Variants in PPP2R2B observed in about 807,000 individuals in gnomAD.
PPP2R2B encodes protein phosphatase 2 regulatory subunit Bbeta.
In PPP2R2B, 5 loss-of-function variants were observed where a neutral mutation model predicts 46.0. The observed-to-expected ratio is 0.11, with a 90% confidence interval of 0.06 to 0.23. PPP2R2B has a LOEUF of 0.23. PPP2R2B is among the 10% of genes least tolerant of loss of function. PPP2R2B has a pLI of 1.00. For missense variants in PPP2R2B, 367 were observed against 575.0 expected, an observed-to-expected ratio of 0.64 and a Z score of 3.70; for synonymous variants, 215 against 206.7, an observed-to-expected ratio of 1.04 and a Z score of -0.34.
At chr5:146,691,308 G>A (rs982584289) in intron 4 of PPP2R2B, 68 bp from the exon 5 acceptor site, 44 of 1,296,500 alleles carry the variant, frequency 3.4e-5, no homozygotes, top group Admixed American at 2.1e-4. Context: ...GTTTTCCTGG[G>A]GGCAATGGGG....
chr5:146,737,956 C>CA (rs35357763), intron 2 of PPP2R2B, among the ~76,000 whole-genome samples: 21 of 149,184 alleles, frequency 1.4e-4, no homozygotes, highest in Admixed American at 3.3e-4. Context: ...CAAAACAAAA[C>CA]AAAAAAAACG....
chr5:147,058,655 C>T (rs991704805), upstream of PPP2R2B, among the ~76,000 whole-genome samples: 1 of 152,098 alleles, frequency 6.6e-6, no homozygotes, highest in African/African-American at 2.4e-5. Flanking sequence ...TAGTGTAAGG[C>T]CTAGGCACCT....
At chr5:147,024,701 G>C (rs946982720) in intron 1 of PPP2R2B, among the ~76,000 whole-genome samples, 1 of 151,918 alleles carries the variant, frequency 6.6e-6, no homozygotes, top group Non-Finnish European at 1.5e-5. Context: ...AAATTAAACA[G>C]CACATTTCTA....
intron 5 of PPP2R2B, among the ~76,000 whole-genome samples, chr5:146,689,396 G>A (rs549727447): frequency 1.3e-4 from 20 of 152,224 alleles, no homozygotes; most frequent in Admixed American, 1.1e-3. Flanking sequence ...TCTTTTCTAT[G>A]CTTAGATATG....
chr5:146,976,653 C>G (rs1392340413), intron 1 of PPP2R2B, among the ~76,000 whole-genome samples: 1 of 152,102 alleles, frequency 6.6e-6, no homozygotes, highest in Non-Finnish European at 1.5e-5. Flanking sequence ...GTATATATTT[C>G]TAGATGTTCT....
At chr5:146,723,707 T>G (rs1751668849) in intron 2 of PPP2R2B, among the ~76,000 whole-genome samples, 1 of 152,108 alleles carries the variant, frequency 6.6e-6, no homozygotes, top group Non-Finnish European at 1.5e-5. Context: ...TCAAACTCAC[T>G]TTTCTAAAAC....
At chr5:146,880,830 G>T (rs918022902), upstream of PPP2R2B, among the ~76,000 whole-genome samples, 1 of 152,122 alleles carries the variant, frequency 6.6e-6, no homozygotes, top group African/African-American at 2.4e-5. Context: ...CAACAGTCCA[G>T]GCATTTTTCC....
At chr5:146,751,042 G>T (rs1362159822) in intron 2 of PPP2R2B, among the ~76,000 whole-genome samples, 2 of 152,120 alleles carry the variant, frequency 1.3e-5, no homozygotes. Context: ...GTCAGGGATG[G>T]CTCCCCAAAG....
At chr5:146,921,536 G>A (rs1763608702) in intron 1 of PPP2R2B, among the ~76,000 whole-genome samples, 1 of 152,206 alleles carries the variant, frequency 6.6e-6, no homozygotes, top group Non-Finnish European at 1.5e-5. Context: ...TGACACTTAA[G>A]ATTTCGTTTC....
chr5:146,594,947 C>T (rs1231982222), intron 8 of PPP2R2B, among the ~76,000 whole-genome samples: 2 of 152,214 alleles, frequency 1.3e-5, no homozygotes, highest in African/African-American at 2.4e-5. Flanking sequence ...TCCAACAGTT[C>T]TGCTGGATGC....
intron 2 of PPP2R2B, among the ~76,000 whole-genome samples, chr5:146,810,126 AG>A (rs1439557360): frequency 6.6e-6 from 1 of 152,192 alleles, no homozygotes; most frequent in African/African-American, 2.4e-5. Context: ...GCCTTGTGAA[AG>A]TCAGGTATTG....
chr5:147,053,543 TAA>T (rs1174172443), intron 1 of PPP2R2B, among the ~76,000 whole-genome samples: 16 of 29,016 alleles, frequency 5.5e-4, no homozygotes, highest in Admixed American at 2.2e-3. Context: ...GCCAACAATA[TAA>T]ACACACACAC....
chr5:146,753,191 A>C (rs1250282580), intron 2 of PPP2R2B, among the ~76,000 whole-genome samples: 4 of 152,234 alleles, frequency 2.6e-5, no homozygotes, highest in African/African-American at 9.6e-5. Context: ...GTGGGTAAAA[A>C]GGGAATGCTA....
At chr5:146,838,482 A>G (rs370365334) in intron 2 of PPP2R2B, among the ~76,000 whole-genome samples, 41 of 151,934 alleles carry the variant, frequency 2.7e-4, no homozygotes, top group African/African-American at 9.7e-4. Flanking sequence ...GAGGCAGGAG[A>G]ATCACTTGAA....
intron 1 of PPP2R2B, among the ~76,000 whole-genome samples, chr5:146,929,218 T>C (rs1763886447): frequency 2.0e-5 from 3 of 152,192 alleles, no homozygotes; most frequent in Non-Finnish European, 4.4e-5. Flanking sequence ...CTTTCTACTA[T>C]ATGATTTACT....
At chr5:146,622,874 T>C (rs2151059576) in intron 7 of PPP2R2B, among the ~76,000 whole-genome samples, 1 of 152,338 alleles carries the variant, frequency 6.6e-6, no homozygotes, top group South Asian at 2.1e-4. Context: ...TGGGGTCTAT[T>C]ATATAGATCA....
intron 2 of PPP2R2B, among the ~76,000 whole-genome samples, chr5:146,813,728 G>A (rs910913902): frequency 6.6e-6 from 1 of 152,142 alleles, no homozygotes; most frequent in Non-Finnish European, 1.5e-5. Context: ...CTGTCTGAAC[G>A]AGTTTGCCTC....
chr5:147,081,119 G>C (rs779852244), exon 2 of PPP2R2B: 7 of 1,535,518 alleles, frequency 4.6e-6, no homozygotes, highest in Non-Finnish European at 6.1e-6. Flanking sequence ...AGTGTGTCCT[G>C]GGTGAGTGTC....
chr5:146,868,108 G>C (rs550380778), intron 2 of PPP2R2B, among the ~76,000 whole-genome samples: 3 of 152,300 alleles, frequency 2.0e-5, no homozygotes, highest in Non-Finnish European at 2.9e-5. Flanking sequence ...ATGGTTATTT[G>C]TTCCACCAGC....
Sources: gnomAD v4.1 joint callset for allele counts (sites outside exome capture counted in the v4.1 genomes callset) on GRCh38, gnomAD v4.1.1 for gene constraint, MANE v1.5 for transcripts, NCBI Gene and HGNC (gene_info 2026-07-23, HGNC 2026-07-21) for gene names.